SYNRG: variants seen among roughly 807,000 people sequenced by gnomAD.
SYNRG encodes the protein synergin gamma.
In SYNRG, 37 loss-of-function variants were observed where a neutral mutation model predicts 130.9. That is an observed-to-expected ratio of 0.28 (90% CI 0.22 to 0.37). The LOEUF is 0.37. Ranked by LOEUF, SYNRG falls within the 10% of genes least tolerant of loss-of-function variation. The pLI is 1.00. For missense variants in SYNRG, 1,338 were observed against 1,588.9 expected, an observed-to-expected ratio of 0.84 and a Z score of 2.68; for synonymous variants, 539 against 568.1, an observed-to-expected ratio of 0.95 and a Z score of 0.73.
chr17:37,519,881 T>C (rs140564458), intron 21 of SYNRG, among the ~76,000 whole-genome samples: 14 of 152,358 alleles, frequency 9.2e-5, no homozygotes, highest in Non-Finnish European at 1.9e-4. Context: ...TCTCCATCTG[T>C]GTGTCACTAC....
At chr17:37,580,680 G>T (rs2061258634) in intron 6 of SYNRG, among the ~76,000 whole-genome samples, 1 of 152,122 alleles carries the variant, frequency 6.6e-6, no homozygotes, top group African/African-American at 2.4e-5. Flanking sequence ...GGCTACAGGT[G>T]CGTGCCACCA....
chr17:37,565,568 C>T (rs1447859140), intron 11 of SYNRG, among the ~76,000 whole-genome samples: 18 of 150,508 alleles, frequency 1.2e-4, no homozygotes, highest in African/African-American at 1.5e-4. Context: ...GGAGCGTCTC[C>T]GCCCGGCCGC....
chr17:37,581,765 C>CTTT (rs398041650), intron 6 of SYNRG, among the ~76,000 whole-genome samples: 4 of 105,310 alleles, frequency 3.8e-5, no homozygotes, highest in Non-Finnish European at 4.0e-5. Context: ...CATTTTTTTT[C>CTTT]TTTTTTTTTT....
chr17:37,540,512 A>G lies in SYNRG; in HGVS notation c.3234T>C (p.Asp1078=). 1 of 1,613,750 alleles carries G rather than the reference A, an allele frequency of 6.2e-7. No individual in the cohort carries two copies. The highest frequency in any genetic ancestry group is 8.5e-7 in the Non-Finnish European group (1 of 1,179,986). ...AAGGAGAAGAACGGCTTATTTCTTT[A>G]TCACCAAGGCTCAAACTCCTCTTGT... is the stretch of plus-strand genomic sequence containing the variant. ...GSHKRSLSLG[D]KEISRSSPSP... The change falls in exon 16 of 22, where the codon GAT becomes GAC. Residue 1078 remains aspartate, a synonymous_variant. Coordinates refer to ENST00000612223, the MANE Select transcript of SYNRG (RefSeq NM_007247.6).
chr17:37,576,165 GA>G (rs1276495852), intron 8 of SYNRG, among the ~76,000 whole-genome samples, 175 bp downstream of exon 8: 1 of 152,120 alleles, frequency 6.6e-6, no homozygotes, highest in African/African-American at 2.4e-5. Context: ...TTCCATATAT[GA>G]GGCAGTCTTA....
chr17:37,580,482 T>TGTGTGTGTGC (rs2061218195), intron 6 of SYNRG, among the ~76,000 whole-genome samples: 1 of 123,968 alleles, frequency 8.1e-6, no homozygotes, highest in Non-Finnish European at 1.6e-5. Context: ...GTATTTCGTG[T>TGTGTGTGTGC]GTGTGTGTGT....
chr17:37,604,088 A>C (rs1339961971), intron 1 of SYNRG, among the ~76,000 whole-genome samples: 1 of 152,036 alleles, frequency 6.6e-6, no homozygotes, highest in Non-Finnish European at 1.5e-5. Context: ...TAAAAATATA[A>C]AATTAGCCTG....
intron 19 of SYNRG, among the ~76,000 whole-genome samples, chr17:37,530,348 G>C (rs1331682342): frequency 1.3e-5 from 2 of 152,180 alleles, no homozygotes; most frequent in Non-Finnish European, 2.9e-5. Context: ...TTAGGACAAG[G>C]TCAGGAAGCA....
chr17:37,531,570 A>G (rs2056633630), intron 19 of SYNRG, among the ~76,000 whole-genome samples: 1 of 152,114 alleles, frequency 6.6e-6, no homozygotes. Context: ...GAGCCCACGG[A>G]GTTTGAGACC....
chr17:37,540,841 G>A, intron 15 of SYNRG: 1 of 899,384 alleles, frequency 1.1e-6, no homozygotes, highest in Non-Finnish European at 1.4e-6. Context: ...CATTGTGTTG[G>A]CCAGGCTGGT....
chr17:37,557,773 G>A (rs1022060527), intron 13 of SYNRG, among the ~76,000 whole-genome samples: 10 of 152,052 alleles, frequency 6.6e-5, no homozygotes, highest in African/African-American at 2.4e-4. Flanking sequence ...TTGAGTCCAG[G>A]AGTTGGAAGC....
chr17:37,560,879 G>A (rs1012962094), intron 13 of SYNRG, among the ~76,000 whole-genome samples: 2 of 148,980 alleles, frequency 1.3e-5, no homozygotes, highest in Non-Finnish European at 3.0e-5. Flanking sequence ...TGGCCAGGCT[G>A]GTCTCAAACT....
intron 6 of SYNRG, chr17:37,579,192 C>A: frequency 8.2e-7 from 1 of 1,224,450 alleles, no homozygotes; most frequent in Non-Finnish European, 1.1e-6. Flanking sequence ...TGCCCAGGGA[C>A]GCCATGTAAG....
chr17:37,559,023 A>G (rs1320444239), intron 13 of SYNRG, among the ~76,000 whole-genome samples: 1 of 152,220 alleles, frequency 6.6e-6, no homozygotes, highest in African/African-American at 2.4e-5. Context: ...GCTGATGTTC[A>G]TGAAGAAAAG....
Position 37,600,399 on chromosome 17 carries a change from T to C in SYNRG, c.82A>G (p.Met28Val). Residue 28 changes from methionine (M) to valine (V), a missense_variant, in exon 2 of 22, where the codon ATG (methionine) becomes GTG (valine). Met to Val is a conservative substitution (Grantham distance 21, BLOSUM62 1). Transcript: ENST00000612223. ...CTTATCCCACCTGCAACAGGAAACA[T>C]GAAGCTGAAAACAGAATAAAAATAC... ...GAGSAGGGGFMFPVAGGIRPP... is the reference protein window; with the variant it reads ...GAGSAGGGGFVFPVAGGIRPP... The C allele has an allele frequency of 6.2e-7, 1 of 1,613,660 alleles. No individual in the cohort carries two copies. Among genetic ancestry groups the C allele is most frequent in the Non-Finnish European group, 8.5e-7 (1 of 1,179,864 alleles).
At chr17:37,602,842 G>A (rs745390160) in intron 1 of SYNRG, among the ~76,000 whole-genome samples, 5 of 151,932 alleles carry the variant, frequency 3.3e-5, no homozygotes, top group Non-Finnish European at 4.4e-5. Context: ...TGGTCAACAT[G>A]ACAAAACCCC....
At chr17:37,575,459 AAT>A (rs1491185438) in intron 8 of SYNRG, among the ~76,000 whole-genome samples, 2 of 65,938 alleles carry the variant, frequency 3.0e-5, no homozygotes, top group African/African-American at 4.3e-5. Context: ...ATTAAAAATA[AAT>A]TTTTTTTTGT....
In SYNRG at chr17:37,609,277, A is replaced by C. The variant is rs1598738287; in HGVS notation, c.77+2T>G. Reference sequence around the variant, plus strand: ...GGCTCCCGCCCGGCTCTTCACACCTACCCGCCTCCCCCGGCGGACCCCGCG... The same window carrying C: ...GGCTCCCGCCCGGCTCTTCACACCTCCCCGCCTCCCCCGGCGGACCCCGCG... On this transcript the variant is annotated splice_donor_variant, in intron 1 of 21. Coordinates refer to ENST00000612223, the MANE Select transcript of SYNRG (RefSeq NM_007247.6). LOFTEE classifies it high-confidence loss of function. The C allele has an allele frequency of 6.9e-7, 1 of 1,440,652 alleles. No homozygotes were observed. Among genetic ancestry groups the C allele is most frequent in the Non-Finnish European group, 9.1e-7 (1 of 1,102,982 alleles). The allele number at this position is 1,440,652 out of a possible 1,614,324, so 89.2% of individuals were successfully genotyped here.
Position 37,518,455 on chromosome 17 carries a change from C to T in SYNRG, c.*485G>A, listed in dbSNP as rs2054591365. 1 of 154,174 alleles carries T rather than the reference C, an allele frequency of 6.5e-6. No individual in the cohort carries two copies. The highest frequency in any genetic ancestry group is 1.4e-5 in the Non-Finnish European group (1 of 69,242). The allele number at this position is 154,174 out of a possible 1,614,324, so 9.6% of individuals were successfully genotyped here. Reference sequence around the variant, plus strand: ...AGAATCTTCTCCATAAAAAGCAGAACATCAGTTTAATCGCAATTTCCTCTT... The same window carrying T: ...AGAATCTTCTCCATAAAAAGCAGAATATCAGTTTAATCGCAATTTCCTCTT... On this transcript the variant is annotated 3_prime_UTR_variant, in exon 22 of 22. Coordinates refer to ENST00000612223, the MANE Select transcript of SYNRG (RefSeq NM_007247.6).
Sources: allele counts gnomAD v4.1 joint callset (sites outside exome capture counted in the v4.1 genomes callset), GRCh38; gene constraint gnomAD v4.1.1; transcripts MANE v1.5; gene names NCBI Gene and HGNC (gene_info 2026-07-23, HGNC 2026-07-21).